EML6: variants seen among roughly 807,000 people sequenced by gnomAD.
The protein encoded by EML6 is echinoderm microtubule-associated protein-like 6.
A neutral mutation model predicts 240.1 loss-of-function variants in EML6; 154 were observed. The observed-to-expected ratio is 0.64, with a 90% confidence interval of 0.56 to 0.73. The LOEUF (loss-of-function observed/expected upper bound fraction) is 0.73, where lower values mean the gene tolerates loss of function less well. Among genes scored for constraint, EML6 ranks in the 30% least tolerant of loss-of-function variants. EML6 has a pLI of 0.00. For missense variants in EML6, 2,964 were observed against 2,474.6 expected, an observed-to-expected ratio of 1.20 and a Z score of -4.20; for synonymous variants, 1,148 against 899.0, an observed-to-expected ratio of 1.28 and a Z score of -4.95.
intron 2 of EML6, among the ~76,000 whole-genome samples, chr2:54,786,303 C>T (rs962654437): frequency 6.6e-6 from 1 of 152,134 alleles, no homozygotes; most frequent in Non-Finnish European, 1.5e-5. Flanking sequence ...ATCTTAAACA[C>T]CTTAGGGTAG....
rs893422909 is a variant in EML6 at position 54,916,890 on chromosome 2, C to A, written c.3630C>A (p.Thr1210=). 1 of 1,548,232 alleles carries A rather than the reference C, an allele frequency of 6.5e-7. No individual in the cohort carries two copies. Among genetic ancestry groups the A allele is most frequent in the African/African-American group, 1.4e-5 (1 of 73,080 alleles). Residue 1210 remains threonine, a synonymous_variant, in exon 26 of 42, where the codon ACC becomes ACA. Transcript: ENST00000356458. ...SLTKDCSLLA[T]GDDFGFVKLF... is the part of the protein sequence containing the mutation. ...CCAAAGACTGTTCCCTTTTAGCCAC[C>A]GGAGATGATTTTGGTTTCGTTAAGC...
chr2:54,798,458 C>A (rs1003707570), intron 2 of EML6, among the ~76,000 whole-genome samples: 2 of 152,126 alleles, frequency 1.3e-5, no homozygotes, highest in Non-Finnish European at 2.9e-5. Context: ...CAGGCGTGAG[C>A]GACCACACCC....
chr2:54,953,950 CCTTA>C (rs1328171418), intron 31 of EML6, 29 bp from the exon 32 acceptor site: 27 of 1,520,702 alleles, frequency 1.8e-5, no homozygotes, highest in East Asian at 7.4e-5. Context: ...CATTTGTCAG[CCTTA>C]CTTCTTTGTC....
intron 38 of EML6, 101 bp downstream of exon 38, chr2:54,964,834 C>G: frequency 1.9e-6 from 2 of 1,066,766 alleles, no homozygotes; most frequent in East Asian, 2.7e-5. Flanking sequence ...AGGCAATGTG[C>G]TAACTCACTC....
chr2:54,971,908 A>G lies in EML6; in HGVS notation c.*1813A>G, dbSNP rs972133341. 6.6e-6 allele frequency: 1 copy of G among 152,250 alleles called. No individual in the cohort carries two copies. Among genetic ancestry groups the G allele is most frequent in the Non-Finnish European group, 1.5e-5 (1 of 68,040 alleles). 9.4% of individuals were successfully genotyped at this position (152,250 alleles called of 1,614,324 possible). A position where few individuals can be genotyped will look rare whatever the true frequency, so the allele number is the denominator to read the frequency against. Reference sequence around the variant, plus strand: ...ATTTTGATTTTATGTATGTTCATAAATCCTGCACTGTATGATATATGTGAG... The same window carrying G: ...ATTTTGATTTTATGTATGTTCATAAGTCCTGCACTGTATGATATATGTGAG... On this transcript the variant is annotated 3_prime_UTR_variant, in exon 42 of 42. Transcript: ENST00000356458.
intron 16 of EML6, among the ~76,000 whole-genome samples, chr2:54,877,869 A>G (rs1205535086): frequency 6.6e-6 from 1 of 152,172 alleles, no homozygotes; most frequent in African/African-American, 2.4e-5. Context: ...GTTAAACCAG[A>G]CTTTTTCTTT....
chr2:54,835,044 C>T (rs1456633719), intron 7 of EML6, among the ~76,000 whole-genome samples: 1 of 152,044 alleles, frequency 6.6e-6, no homozygotes, highest in African/African-American at 2.4e-5. Flanking sequence ...TCCTTCCCCT[C>T]GCTGCTTCTC....
chr2:54,725,341 C>T lies in EML6; in HGVS notation c.197+83C>T, dbSNP rs1396952528. On this transcript the variant is annotated intron_variant, in intron 2 of 41. Transcript: ENST00000356458. This position sits in a 1 kb window ranked among gnomAD's most constrained non-coding sequence, Gnocchi z 4.3. ...GAAGCGGTTGACCTGGGGTCGGATC[C>T]GGGAGCCCCGTGGAATAGAGGATTC... The T allele has an allele frequency of 1.4e-5, 15 of 1,058,466 alleles. No individual in the cohort carries two copies. Among genetic ancestry groups the T allele is most frequent in the South Asian group, 5.9e-5 (3 of 50,486 alleles). The allele number at this position is 1,058,466 out of a possible 1,614,324, so 65.6% of individuals were successfully genotyped here.
intron 12 of EML6, among the ~76,000 whole-genome samples, chr2:54,860,511 G>C (rs528061322): frequency 6.6e-6 from 1 of 152,238 alleles, no homozygotes; most frequent in South Asian, 2.1e-4. Context: ...CATTAACCCA[G>C]CTGGCAGCCT....
intron 2 of EML6, among the ~76,000 whole-genome samples, chr2:54,747,919 C>T (rs1361787361): frequency 3.3e-5 from 5 of 152,008 alleles, no homozygotes; most frequent in African/African-American, 1.2e-4. Context: ...TATATTAATA[C>T]TTGGATTACA....
chr2:54,883,015 C>T (rs1193716800), intron 17 of EML6: 4 of 151,628 alleles, frequency 2.6e-5, no homozygotes, highest in Admixed American at 6.6e-5. Context: ...TAGAGTCTCC[C>T]GCATACCATA....
intron 2 of EML6, among the ~76,000 whole-genome samples, chr2:54,757,859 C>T (rs1421436014): frequency 1.3e-5 from 2 of 151,110 alleles, no homozygotes; most frequent in Non-Finnish European, 2.9e-5. Context: ...TCAGTCACCA[C>T]TTACTCATTT....
intron 17 of EML6, chr2:54,880,325 A>G (rs1671749408): frequency 6.6e-6 from 1 of 152,240 alleles, no homozygotes; most frequent in African/African-American, 2.4e-5. Context: ...TTTGTTGCCG[A>G]GGCGTGTTGT....
At chr2:54,758,308 G>A (rs966434092) in intron 2 of EML6, among the ~76,000 whole-genome samples, 1 of 152,116 alleles carries the variant, frequency 6.6e-6, no homozygotes, top group Admixed American at 6.6e-5. Context: ...TCTTTGTCCA[G>A]TGTAATACTA....
At chr2:54,759,212 C>T (rs1667870427) in intron 2 of EML6, among the ~76,000 whole-genome samples, 1 of 149,014 alleles carries the variant, frequency 6.7e-6, no homozygotes, top group Admixed American at 6.8e-5. Flanking sequence ...ATGACAAGTT[C>T]ATACTAGATG....
intron 2 of EML6, among the ~76,000 whole-genome samples, chr2:54,728,394 G>T (rs1304010231): frequency 3.9e-5 from 6 of 152,160 alleles, no homozygotes; most frequent in Admixed American, 1.3e-4. Flanking sequence ...ACCACTATAT[G>T]TATTGCTTCT....
intron 23 of EML6, 43 bp from the exon 24 acceptor site, chr2:54,903,328 T>G: frequency 1.9e-6 from 3 of 1,539,898 alleles, no homozygotes; most frequent in Non-Finnish European, 2.6e-6. Context: ...AGTAAATTCC[T>G]ATATAAAATG....
chr2:54,832,742 A>ACC (rs202078606), intron 7 of EML6, among the ~76,000 whole-genome samples: 9 of 146,970 alleles, frequency 6.1e-5, no homozygotes, highest in Non-Finnish European at 1.2e-4. Context: ...TGTCCTCCCC[A>ACC]CCCCCCCGCC....
chr2:54,857,478 C>T (rs994081860), intron 11 of EML6, among the ~76,000 whole-genome samples: 1 of 152,100 alleles, frequency 6.6e-6, no homozygotes, highest in East Asian at 1.9e-4. Flanking sequence ...TGGAGATAGG[C>T]CAGTGATGAA....
Sources: allele counts gnomAD v4.1 joint callset (sites outside exome capture counted in the v4.1 genomes callset), GRCh38; gene constraint gnomAD v4.1.1; non-coding constraint Gnocchi (gnomAD v3.1); transcripts MANE v1.5; gene names NCBI Gene and HGNC (gene_info 2026-07-23, HGNC 2026-07-21).